GLDN: variants seen among roughly 807,000 people sequenced by gnomAD.
The protein encoded by GLDN is gliomedin, also known as collomin.
Under a neutral mutation model 56.5 loss-of-function variants are expected in GLDN, and 47 were observed. The observed-to-expected ratio is 0.83, with a 90% CI of 0.66 to 1.06. The LOEUF (loss-of-function observed/expected upper bound fraction) is 1.06, where lower values mean the gene tolerates loss of function less well. Ranked by LOEUF, GLDN falls within the 50% of genes least tolerant of loss-of-function variation. GLDN has a pLI of 0.00. For synonymous variants in GLDN, 332 were observed against 278.8 expected (o/e 1.19, Z -1.90); for missense variants, 782 against 714.3 (o/e 1.09, Z -1.08).
intron 1 of GLDN, among the ~76,000 whole-genome samples, chr15:51,371,083 C>T (rs2037507300): frequency 6.6e-6 from 1 of 152,078 alleles, no homozygotes; most frequent in Non-Finnish European, 1.5e-5. Flanking sequence ...TGTTTGGTTT[C>T]ATGAACCTCC....
At chr15:51,412,510 C>T (rs183891393), downstream of GLDN, among the ~76,000 whole-genome samples, 63 of 152,322 alleles carry the variant, frequency 4.1e-4, no homozygotes, top group East Asian at 0.012. Flanking sequence ...TGCCATCTCT[C>T]TCTCTCTATC....
intron 1 of GLDN, among the ~76,000 whole-genome samples, chr15:51,343,918 C>T (rs1176288368): frequency 6.6e-6 from 1 of 152,370 alleles, no homozygotes; most frequent in East Asian, 1.9e-4. Context: ...CCCCCCACCT[C>T]CTATGCCATT....
At chr15:51,376,351 A>G (rs575154868) in intron 1 of GLDN, among the ~76,000 whole-genome samples, 88 of 152,336 alleles carry the variant, frequency 5.8e-4, no homozygotes, top group African/African-American at 2.0e-3. Context: ...CCATAAAACA[A>G]CAGTATAAAA....
chr15:51,354,006 A>G (rs1053291566), intron 1 of GLDN, among the ~76,000 whole-genome samples: 2 of 152,226 alleles, frequency 1.3e-5, no homozygotes, highest in African/African-American at 4.8e-5. Context: ...TATACTTTAA[A>G]TGGATATAAT....
At chr15:51,389,152 C>G (rs1374559227) in intron 4 of GLDN, among the ~76,000 whole-genome samples, 1 of 152,178 alleles carries the variant, frequency 6.6e-6, no homozygotes, top group Non-Finnish European at 1.5e-5. Flanking sequence ...TCATCTGTAG[C>G]CAGAAGAGGT....
At chr15:51,396,464 C>A (rs2141124435) in intron 5 of GLDN, among the ~76,000 whole-genome samples, 2 of 152,302 alleles carry the variant, frequency 1.3e-5, no homozygotes, top group Middle Eastern at 6.8e-3. Context: ...AAGACAATAG[C>A]ACAGAGGAAA....
At chr15:51,375,848 A>G (rs1439873438) in intron 1 of GLDN, among the ~76,000 whole-genome samples, 1 of 152,164 alleles carries the variant, frequency 6.6e-6, no homozygotes, top group African/African-American at 2.4e-5. Context: ...CACCCAGTTA[A>G]TAGGTGCTTC....
intron 1 of GLDN, among the ~76,000 whole-genome samples, chr15:51,355,978 C>A (rs564027072): frequency 5.4e-5 from 8 of 148,978 alleles, no homozygotes; most frequent in East Asian, 2.0e-4. Context: ...GAGGCCAAGG[C>A]GGGCGGATCA....
chr15:51,377,940 A>G (rs1271523761), intron 2 of GLDN, among the ~76,000 whole-genome samples: 3 of 152,180 alleles, frequency 2.0e-5, no homozygotes, highest in Admixed American at 6.5e-5. Context: ...AAACATTACC[A>G]TGAGACCTTG....
chr15:51,410,181 C>T (rs1372759118), downstream of GLDN, among the ~76,000 whole-genome samples: 1 of 152,188 alleles, frequency 6.6e-6, no homozygotes, highest in African/African-American at 2.4e-5. Context: ...TCAATCATGC[C>T]CAAGTGGAAA....
chr15:51,375,086 C>A (rs2037603176), intron 1 of GLDN, among the ~76,000 whole-genome samples: 1 of 152,078 alleles, frequency 6.6e-6, no homozygotes, highest in African/African-American at 2.4e-5. Flanking sequence ...CTAAAGCAGG[C>A]AATAAATAGC....
downstream of GLDN, among the ~76,000 whole-genome samples, chr15:51,411,604 T>G (rs142382010): frequency 3.7e-4 from 56 of 152,364 alleles, 1 homozygote; most frequent in African/African-American, 1.2e-3. Context: ...GCCATTGTAG[T>G]TGAAAACTAT....
chr15:51,386,085 G>A (rs1273181682), intron 4 of GLDN, among the ~76,000 whole-genome samples: 3 of 152,164 alleles, frequency 2.0e-5, no homozygotes, highest in Non-Finnish European at 4.4e-5. Flanking sequence ...TCACTGGAGG[G>A]TGACCCCAAT....
chr15:51,410,699 G>A (rs1206246450), downstream of GLDN, among the ~76,000 whole-genome samples: 1 of 152,178 alleles, frequency 6.6e-6, no homozygotes, highest in East Asian at 1.9e-4. Flanking sequence ...AGGATTCCAA[G>A]CTACATTTTA....
At chr15:51,402,420 C>T (rs566344830) in intron 9 of GLDN, among the ~76,000 whole-genome samples, 132 of 152,286 alleles carry the variant, frequency 8.7e-4, no homozygotes, top group African/African-American at 2.9e-3. Context: ...AGCAATGAAC[C>T]GAAAGCCAGG....
At chr15:51,373,648 G>A (rs902887252) in intron 1 of GLDN, among the ~76,000 whole-genome samples, 3 of 152,326 alleles carry the variant, frequency 2.0e-5, no homozygotes, top group African/African-American at 4.8e-5. Flanking sequence ...GGCACAGCAC[G>A]CTAGGCAAGG....
In GLDN at chr15:51,383,444, G is replaced by T; in HGVS notation, c.424G>T (p.Gly142Ter). Residue 142 changes from glycine to a stop codon, truncating the protein, a stop_gained, in exon 3 of 10, where the codon GGA (glycine) becomes TGA (stop). Coordinates refer to ENST00000335449, the MANE Select transcript of GLDN (RefSeq NM_181789.4). LOFTEE classifies it high-confidence loss of function. ...TKGICLTGPS[G>*]PPGPPGAGGL... ...TTTTTTTTCCGTTGTAGGACCTTCT[G>T]GACCACCAGGTAAGAGCCCATGGAT... 4 of 1,614,032 alleles carry T rather than the reference G, an allele frequency of 2.5e-6. No homozygotes were observed. The highest frequency in any genetic ancestry group is 3.4e-6 in the Non-Finnish European group (4 of 1,179,974).
In GLDN at chr15:51,404,755, T is replaced by C; in HGVS notation, c.*1T>C. The C allele has an allele frequency of 6.7e-7, 1 of 1,485,076 alleles. No individual in the cohort carries two copies. Among genetic ancestry groups the C allele is most frequent in the Middle Eastern group, 1.7e-4 (1 of 5,776 alleles). The allele number at this position is 1,485,076 out of a possible 1,614,324, so 92.0% of individuals were successfully genotyped here. A position where few individuals can be genotyped will look rare whatever the true frequency, so the allele number is the denominator to read the frequency against. ...TTTGTCAACTACCTTAAATCAGTGA[T>C]GTGCTGCATTCGGCTCCCTTCAGCA... is the stretch of plus-strand genomic sequence containing the variant. On this transcript the variant is annotated 3_prime_UTR_variant, in exon 10 of 10. Transcript: ENST00000335449.
At chr15:51,343,725 C>T (rs1251835062) in intron 1 of GLDN, among the ~76,000 whole-genome samples, 2 of 152,170 alleles carry the variant, frequency 1.3e-5, no homozygotes, top group Non-Finnish European at 2.9e-5. Flanking sequence ...GTCATGAGGG[C>T]CTGTCCCTGA....
Sources: allele counts gnomAD v4.1 joint callset (sites outside exome capture counted in the v4.1 genomes callset), GRCh38; gene constraint gnomAD v4.1.1; transcripts MANE v1.5; gene names NCBI Gene and HGNC (gene_info 2026-07-23, HGNC 2026-07-21).